The following KIAA1217 variants were observed in gnomAD, a reference collection of about 807,000 sequenced individuals.
KIAA1217 encodes sickle tail protein homolog.
In KIAA1217, 88 loss-of-function variants were observed where a neutral mutation model predicts 163.9. That is an observed-to-expected ratio of 0.54 (90% CI 0.45 to 0.64). KIAA1217 has a LOEUF of 0.64. Ranked by LOEUF, KIAA1217 falls within the 30% of genes least tolerant of loss-of-function variation. The pLI is 0.00. For synonymous variants in KIAA1217, 903 were observed against 923.1 expected (o/e 0.98, Z 0.39); for missense variants, 2,372 against 2,475.0 (o/e 0.96, Z 0.88).
At chr10:24,487,063 A>G (rs945539524) in intron 6 of KIAA1217, among the ~76,000 whole-genome samples, 1 of 152,172 alleles carries the variant, frequency 6.6e-6, no homozygotes, top group Non-Finnish European at 1.5e-5. Flanking sequence ...ACTAAATTGT[A>G]TTTGGTCTAC....
chr10:24,432,543 A>C (rs1025254685), intron 3 of KIAA1217, among the ~76,000 whole-genome samples: 136 of 150,516 alleles, frequency 9.0e-4, no homozygotes, highest in Non-Finnish European at 1.7e-3. Context: ...GCAGCCTGCA[A>C]CTCTGAGGCT....
At chr10:23,729,249 C>T (rs1564371711) in intron 1 of KIAA1217, among the ~76,000 whole-genome samples, 1 of 152,186 alleles carries the variant, frequency 6.6e-6, no homozygotes, top group Non-Finnish European at 1.5e-5. Context: ...AATAAAGCTG[C>T]TATAAACATC....
chr10:24,406,993 T>C (rs1482740170), intron 3 of KIAA1217, among the ~76,000 whole-genome samples: 1 of 152,152 alleles, frequency 6.6e-6, no homozygotes, highest in African/African-American at 2.4e-5. Flanking sequence ...GAGCCTTCTA[T>C]AAAAACATCA....
At chr10:24,345,736 T>G (rs2047655326) in intron 2 of KIAA1217, among the ~76,000 whole-genome samples, 1 of 152,096 alleles carries the variant, frequency 6.6e-6, no homozygotes, top group African/African-American at 2.4e-5. Flanking sequence ...TTTTTTTGGG[T>G]GGGGGGGTCG....
chr10:23,989,842 C>T (rs1009269352), intron 1 of KIAA1217, among the ~76,000 whole-genome samples: 1 of 152,176 alleles, frequency 6.6e-6, no homozygotes, highest in Non-Finnish European at 1.5e-5. Context: ...GAGGCTAATT[C>T]TACTGCACAC....
intron 9 of KIAA1217, among the ~76,000 whole-genome samples, chr10:24,509,512 G>A (rs1031650739): frequency 6.6e-6 from 1 of 152,076 alleles, no homozygotes; most frequent in Admixed American, 6.6e-5. Flanking sequence ...ATTATGCCCC[G>A]TTGTATTTTC....
rs147706708 is a variant in KIAA1217, at chr10:23,777,123, A to G, written c.-321+81889A>G. ...TAGTTTTAAGAGATTATTTCAGTGA[A>G]AAGCTGGGAATAGCCATCTGGGAAA... is the stretch of plus-strand genomic sequence containing the variant. On this transcript the variant is annotated intron_variant, in intron 1 of 18. Coordinates refer to the KIAA1217 transcript ENST00000376462. Among the ~76,000 whole-genome samples, 180 of 152,358 alleles carry G rather than the reference A, an allele frequency of 1.2e-3. 13 individuals are homozygous for G. In the East Asian group the frequency reaches 0.028, roughly 24 times the overall value.
intron 2 of KIAA1217, among the ~76,000 whole-genome samples, chr10:24,337,598 T>C (rs2046517385): frequency 2.0e-5 from 1 of 49,754 alleles, no homozygotes; most frequent in African/African-American, 9.9e-5. Context: ...TTTTTTTCTT[T>C]TCTTTTCTTT....
intron 1 of KIAA1217, among the ~76,000 whole-genome samples, chr10:23,761,174 G>T (rs1282113378): frequency 6.6e-6 from 1 of 152,180 alleles, no homozygotes; most frequent in Non-Finnish European, 1.5e-5. Context: ...GCTGAGGTGG[G>T]AAGATCATTT....
At chr10:23,770,952 G>C (rs761640577) in intron 1 of KIAA1217, among the ~76,000 whole-genome samples, 1 of 152,146 alleles carries the variant, frequency 6.6e-6, no homozygotes, top group Admixed American at 6.6e-5. Context: ...ATAAATTAGC[G>C]TGTTATCAAC....
At chr10:24,188,949 C>T (rs553347586) in intron 2 of KIAA1217, among the ~76,000 whole-genome samples, 14 of 151,738 alleles carry the variant, frequency 9.2e-5, no homozygotes, top group East Asian at 5.8e-4. Context: ...ATTAAAAATA[C>T]GAGAAAATTA....
chr10:23,951,392 G>A (rs995010944), intron 1 of KIAA1217, among the ~76,000 whole-genome samples: 6 of 152,128 alleles, frequency 3.9e-5, no homozygotes, highest in African/African-American at 7.2e-5. Context: ...AGGGGCTCAC[G>A]CCTGTAATCC....
intron 3 of KIAA1217, among the ~76,000 whole-genome samples, chr10:24,389,829 T>G (rs1234475995): frequency 2.0e-5 from 3 of 152,152 alleles, no homozygotes; most frequent in African/African-American, 7.2e-5. Flanking sequence ...TTGTTTTGTT[T>G]TGTTTTTTTT....
intron 1 of KIAA1217, among the ~76,000 whole-genome samples, chr10:23,705,440 G>A (rs1836821652): frequency 6.6e-6 from 1 of 152,058 alleles, no homozygotes; most frequent in Non-Finnish European, 1.5e-5. Flanking sequence ...TATGGTGTGA[G>A]GAAGGGATTC....
At chr10:23,915,789 A>T (rs1842614368) in intron 1 of KIAA1217, among the ~76,000 whole-genome samples, 1 of 152,156 alleles carries the variant, frequency 6.6e-6, no homozygotes, top group African/African-American at 2.4e-5. Flanking sequence ...ACCCAGGAGG[A>T]AAGTTTGGGC....
chr10:23,806,746 C>T (rs890361668), intron 1 of KIAA1217, among the ~76,000 whole-genome samples: 3 of 152,012 alleles, frequency 2.0e-5, no homozygotes, highest in Non-Finnish European at 4.4e-5. Flanking sequence ...TTCTTTTTGC[C>T]GATTCTTTGA....
At chr10:24,138,210 A>G (rs1396874073) in intron 2 of KIAA1217, among the ~76,000 whole-genome samples, 1 of 152,146 alleles carries the variant, frequency 6.6e-6, no homozygotes, top group Non-Finnish European at 1.5e-5. Flanking sequence ...CTGGAGTGCC[A>G]TGGTGCAGTC....
chr10:23,819,625 T>C (rs536503187), intron 1 of KIAA1217, among the ~76,000 whole-genome samples: 2 of 152,336 alleles, frequency 1.3e-5, no homozygotes, highest in African/African-American at 4.8e-5. Context: ...ACTTAGCTCC[T>C]GTAGGAAAAT....
intron 11 of KIAA1217, among the ~76,000 whole-genome samples, chr10:24,520,930 G>C (rs999602981): frequency 6.7e-6 from 1 of 149,104 alleles, no homozygotes. Context: ...GGTGGCTCAC[G>C]CCTGCAATCC....
Sources: allele counts gnomAD v4.1 joint callset (sites outside exome capture counted in the v4.1 genomes callset), GRCh38; gene constraint gnomAD v4.1.1; transcripts MANE v1.5; gene names NCBI Gene and HGNC (gene_info 2026-07-23, HGNC 2026-07-21).